TENM1: variants seen among roughly 807,000 people sequenced by gnomAD.
TENM1 encodes the protein teneurin-1.
TENM1 carries 35 observed loss-of-function variants against 174.8 expected under a neutral mutation model. That is an observed-to-expected ratio of 0.20 (90% CI 0.15 to 0.27). The LOEUF (loss-of-function observed/expected upper bound fraction) is 0.27, where lower values mean the gene tolerates loss of function less well. Among genes scored for constraint, TENM1 ranks in the 10% least tolerant of loss-of-function variants. TENM1 has a pLI of 1.00. For synonymous variants in TENM1, 781 were observed against 798.7 expected (o/e 0.98, Z 0.37); for missense variants, 1,633 against 2,130.1 (o/e 0.77, Z 4.59).
At chrX:124,593,192 C>A (rs998014303) in intron 11 of TENM1, among the ~76,000 whole-genome samples, 8 of 111,671 alleles carry the variant, frequency 7.2e-5, no homozygotes, top group Admixed American at 2.8e-4. Flanking sequence ...TGAATAGGTG[C>A]TTTGAATGCC....
chrX:125,154,689 C>A, the TENM1 span, among the ~76,000 whole-genome samples: 1 of 110,713 alleles, frequency 9.0e-6, no homozygotes, highest in Non-Finnish European at 1.9e-5. Flanking sequence ...TTAAAGGCGG[C>A]GTGTCCAGAG....
At chrX:124,942,444 C>A (rs948681093) in intron 1 of TENM1, among the ~76,000 whole-genome samples, 1 of 111,702 alleles carries the variant, frequency 9.0e-6, no homozygotes, top group Admixed American at 9.5e-5. Flanking sequence ...TGCTTTCCCC[C>A]CCGCCCCGCA....
At chrX:125,181,578 G>T in the TENM1 span, among the ~76,000 whole-genome samples, 1 of 111,526 alleles carries the variant, frequency 9.0e-6, no homozygotes, top group Non-Finnish European at 1.9e-5. Flanking sequence ...TTCCTGCTGC[G>T]GGTGTCCCAT....
intron 3 of TENM1, among the ~76,000 whole-genome samples, chrX:124,808,487 C>T (rs1170568789): frequency 8.9e-6 from 1 of 111,865 alleles, no homozygotes; most frequent in African/African-American, 3.2e-5. Flanking sequence ...ATGGACCTAA[C>T]GGACATATTT....
the TENM1 span, among the ~76,000 whole-genome samples, chrX:125,154,866 TGGCTTCAGGAGTGA>T: frequency 9.0e-6 from 1 of 110,826 alleles, no homozygotes; most frequent in African/African-American, 3.3e-5. Context: ...GTGGTCTCGC[TGGCTTCAGGAGTGA>T]AGCTGCAGAC....
At chrX:125,014,393 G>GC in the TENM1 span, among the ~76,000 whole-genome samples, 1 of 112,494 alleles carries the variant, frequency 8.9e-6, no homozygotes, top group East Asian at 2.8e-4. Context: ...CCAAATGGCT[G>GC]GTCAACTTAG....
the TENM1 span, among the ~76,000 whole-genome samples, chrX:125,032,783 C>T: frequency 8.9e-6 from 1 of 111,825 alleles, no homozygotes; most frequent in Non-Finnish European, 1.9e-5. Flanking sequence ...ATAAATTATA[C>T]AGCCCAGCAC....
At chrX:124,885,879 C>G (rs1293197656) in intron 3 of TENM1, among the ~76,000 whole-genome samples, 1 of 111,227 alleles carries the variant, frequency 9.0e-6, no homozygotes, top group African/African-American at 3.3e-5. Context: ...AATTCAACTG[C>G]ACACATTCAA....
At chrX:124,520,647 G>A (rs769720191) in exon 18 of TENM1, 11 of 1,209,059 alleles carry the variant, frequency 9.1e-6, no homozygotes, top group African/African-American at 1.8e-5. Context: ...CTACTGTGAG[G>A]TGTACTTTTA....
chrX:124,796,913 T>C (rs767247593), intron 3 of TENM1, among the ~76,000 whole-genome samples: 3 of 111,862 alleles, frequency 2.7e-5, no homozygotes, highest in African/African-American at 9.7e-5. Flanking sequence ...TTGATTACAA[T>C]GAGTATTTCT....
rs183359038 is a variant in TENM1, at chrX:124,690,639, T to C, written c.1015+14374A>G. The stretch of plus-strand genomic sequence containing the variant: ...GGCCTAATGGAAAGTGTTTGAGTCA[T>C]GTGAGTGGATTCCTCATAAATGGTT... On this transcript the variant is annotated intron_variant, in intron 5 of 31. Transcript: ENST00000422452. Among the ~76,000 whole-genome samples, 750 of 110,239 alleles carry C rather than the reference T, an allele frequency of 6.8e-3. 4 individuals are homozygous for C. Among genetic ancestry groups the C allele is most frequent in the Non-Finnish European group, 0.011 (602 of 52,797 alleles).
chrX:124,480,500 T>A (rs2046819233), intron 22 of TENM1, among the ~76,000 whole-genome samples: 1 of 112,386 alleles, frequency 8.9e-6, no homozygotes, highest in Non-Finnish European at 1.9e-5. Flanking sequence ...CATGGAAAGA[T>A]GTTCATAATA....
At chrX:124,846,162 T>G (rs1320810301) in intron 3 of TENM1, among the ~76,000 whole-genome samples, 2 of 110,217 alleles carry the variant, frequency 1.8e-5, no homozygotes, top group African/African-American at 6.6e-5. Context: ...AGTACTTTTG[T>G]CCTGCTAGGA....
At chrX:124,834,987 C>A (rs140329456) in intron 3 of TENM1, among the ~76,000 whole-genome samples, 1,206 of 112,015 alleles carry the variant, frequency 0.011, 43 homozygotes, top group Admixed American at 0.1. Flanking sequence ...CTGAATTCTA[C>A]AGATAATATA....
At chrX:124,893,781 G>C (rs757165769) in intron 3 of TENM1, among the ~76,000 whole-genome samples, 1 of 106,395 alleles carries the variant, frequency 9.4e-6, no homozygotes, top group South Asian at 3.7e-4. Flanking sequence ...TTACAGAAGA[G>C]AATGAACATT....
rs1556647047 is a variant in TENM1 at position 124,481,695 on chromosome X, G to GTGTATATATATATATA, written c.3949+36_3949+37insTATATATATATATACA. On this transcript the variant is annotated intron_variant, in intron 22 of 31. Coordinates refer to ENST00000422452, the Ensembl canonical transcript of TENM1. ...AATAAAATCTTTAGATGACCCAAGG[G>GTGTATATATATATATA]TATATATATATATATATTTATTTAT... The GTGTATATATATATATA allele has an allele frequency of 9.2e-4, 243 of 263,789 alleles. 2 individuals carry two copies. Among genetic ancestry groups the GTGTATATATATATATA allele is most frequent in the Middle Eastern group, 2.5e-3 (2 of 789 alleles). The allele number at this position is 263,789 out of a possible 1,213,427, so 21.7% of individuals were successfully genotyped here.
the TENM1 span, among the ~76,000 whole-genome samples, chrX:125,013,582 CA>C: frequency 9.0e-6 from 1 of 111,293 alleles, no homozygotes; most frequent in Non-Finnish European, 1.9e-5. Context: ...ACTCTTCTGC[CA>C]AAAAATTACC....
At chrX:124,866,017 T>C (rs1224585010) in intron 3 of TENM1, among the ~76,000 whole-genome samples, 4 of 111,785 alleles carry the variant, frequency 3.6e-5, no homozygotes, top group Non-Finnish European at 5.7e-5. Context: ...AAAACAGATA[T>C]TGTTGGAGCT....
At chrX:125,007,248 C>T in the TENM1 span, among the ~76,000 whole-genome samples, 12 of 110,396 alleles carry the variant, frequency 1.1e-4, no homozygotes, top group South Asian at 3.5e-3. Context: ...TATCAATAGC[C>T]GGACTGATCA....
Sources: gnomAD v4.1 joint callset for allele counts (sites outside exome capture counted in the v4.1 genomes callset) on GRCh38, gnomAD v4.1.1 for gene constraint, MANE v1.5 for transcripts, NCBI Gene and HGNC (gene_info 2026-07-23, HGNC 2026-07-21) for gene names.